TMEM258: variants seen among roughly 807,000 people sequenced by gnomAD.
The protein encoded by TMEM258 is dolichyl-diphosphooligosaccharide--protein glycosyltransferase subunit TMEM258.
A neutral mutation model predicts 9.9 loss-of-function variants in TMEM258; 11 were observed. That is an observed-to-expected ratio of 1.11 (90% CI 0.70 to 1.85). TMEM258 has a LOEUF of 1.85. Ranked by LOEUF, TMEM258 falls within the 40% of genes most tolerant of loss-of-function variation. TMEM258 has a pLI of 0.00. For synonymous variants in TMEM258, 40 were observed against 39.1 expected (o/e 1.02, Z -0.09); for missense variants, 81 against 99.7 (o/e 0.81, Z 0.80).
Position 61,792,406 on chromosome 11 carries a change from C to G in TMEM258, c.3+150G>C, listed in dbSNP as rs2066791362. On this transcript the variant is annotated intron_variant, in intron 1 of 3. Coordinates refer to ENST00000537328, the MANE Select transcript of TMEM258 (RefSeq NM_014206.4). The stretch of plus-strand genomic sequence containing the variant: ...AACCTAAGGAGTTCATGGCAAGGGG[C>G]TTCCCCCTTCCCCACCCTTCAGCCC... 9 of 1,129,260 alleles carry G rather than the reference C, an allele frequency of 8.0e-6. No individual in the cohort carries two copies. The East Asian group carries it at 2.2e-4, about 27-fold the overall frequency. The allele number at this position is 1,129,260 out of a possible 1,614,324, so 70.0% of individuals were successfully genotyped here.
intron 3 of TMEM258, 40 bp downstream of exon 3, chr11:61,789,745 G>A: frequency 1.3e-6 from 2 of 1,576,278 alleles, no homozygotes; most frequent in Non-Finnish European, 1.7e-6. Context: ...CCTGGGCTGT[G>A]CCTTGGAGGC....
rs774953974 is a variant in TMEM258 at position 61,792,599 on chromosome 11, G to A, written c.-41C>T. 5.6e-6 allele frequency: 9 copies of A among 1,613,088 alleles called. No individual in the cohort carries two copies. The highest frequency in any genetic ancestry group is 5.3e-5 in the African/African-American group (4 of 74,956). ...CTAATCCGCCGCTCCGCCACCGGAA[G>A]AACACGTCGGCAGGAGCAGGCGCCT... On this transcript the variant is annotated 5_prime_UTR_variant, in exon 1 of 4. Coordinates refer to ENST00000537328, the MANE Select transcript of TMEM258 (RefSeq NM_014206.4).
chr11:61,789,603 G>A (rs961938099), intron 3 of TMEM258, 182 bp downstream of exon 3: 26 of 683,250 alleles, frequency 3.8e-5, no homozygotes, highest in South Asian at 8.7e-5. Context: ...GCTCAAATCC[G>A]TATGAGGGGC....
intron 1 of TMEM258, 52 bp downstream of exon 1, chr11:61,792,504 G>A: frequency 3.7e-6 from 6 of 1,613,498 alleles, no homozygotes; most frequent in Non-Finnish European, 5.1e-6. Flanking sequence ...GTGTGGGTCA[G>A]ACCCCGAGGG....
At chr11:61,792,256 G>A (rs2066789999) in intron 1 of TMEM258, 1 of 467,152 alleles carries the variant, frequency 2.1e-6, no homozygotes, top group Non-Finnish European at 3.9e-6. Context: ...TTGTAGGATG[G>A]GCACGGGTTC....
At chr11:61,789,978 A>C in intron 2 of TMEM258, 57 bp from the exon 3 acceptor site, 1 of 1,566,818 alleles carries the variant, frequency 6.4e-7, no homozygotes, top group Non-Finnish European at 8.6e-7. Flanking sequence ...CAGAGAGCCC[A>C]GCCCACGGCA....
At chr11:61,792,524 T>G (rs1183058895) in intron 1 of TMEM258, 32 bp downstream of exon 1, 1 of 1,613,760 alleles carries the variant, frequency 6.2e-7, no homozygotes, top group Non-Finnish European at 8.5e-7. Flanking sequence ...GGTCCTCGCA[T>G]CTCCGTCTGG....
chr11:61,789,960 G>A, intron 2 of TMEM258, 39 bp from the exon 3 acceptor site: 3 of 1,598,020 alleles, frequency 1.9e-6, no homozygotes, highest in Non-Finnish European at 2.6e-6. Flanking sequence ...GGGGTGGACT[G>A]TGGAGTGCAG....
chr11:61,790,236 C>A, intron 2 of TMEM258: 1 of 578,828 alleles, frequency 1.7e-6, no homozygotes. Context: ...ACTGTAGCAC[C>A]CCTATTCCCC....
At chr11:61,790,128 C>A (rs2066771868) in intron 2 of TMEM258, 3 of 635,698 alleles carry the variant, frequency 4.7e-6, no homozygotes, top group Middle Eastern at 8.6e-4. Flanking sequence ...GGAGTTAGGT[C>A]ACTTGCCCCA....
At chr11:61,790,943 T>TC (rs2066779610) in intron 1 of TMEM258, among the ~76,000 whole-genome samples, 2 of 146,624 alleles carry the variant, frequency 1.4e-5, no homozygotes, top group Admixed American at 1.3e-4. Flanking sequence ...TCTCAATATC[T>TC]TTTTTTTTTG....
chr11:61,790,879 A>AT (rs2066779040), intron 1 of TMEM258, among the ~76,000 whole-genome samples: 1 of 152,200 alleles, frequency 6.6e-6, no homozygotes, highest in Admixed American at 6.5e-5. Flanking sequence ...ACCAGTGTCT[A>AT]TAGACACCAA....
chr11:61,790,133 GC>G, intron 2 of TMEM258: 2 of 622,456 alleles, frequency 3.2e-6, no homozygotes, highest in Non-Finnish European at 5.4e-6. Flanking sequence ...TAGGTCACTT[GC>G]CCCAGGTCAC....
chr11:61,790,478 T>A lies in TMEM258; in HGVS notation c.113+15A>T, dbSNP rs768445195. ...TCACTAATGCTGGTCCTCTGGCTGCTCAGTGAAAGGATACACGAAGAACCA... is the reference window on the plus strand; with the variant it reads ...TCACTAATGCTGGTCCTCTGGCTGCACAGTGAAAGGATACACGAAGAACCA... On this transcript the variant is annotated intron_variant, in intron 2 of 3. Transcript: ENST00000537328. The A allele has an allele frequency of 6.2e-7, 1 of 1,610,858 alleles. No homozygotes were observed. Among genetic ancestry groups the A allele is most frequent in the Non-Finnish European group, 8.5e-7 (1 of 1,177,878 alleles).
chr11:61,792,541 CCTCAACGCT>C lies in TMEM258; in HGVS notation c.3+6_3+14del, dbSNP rs1162308514. The stretch of plus-strand genomic sequence containing the variant: ...TCCTCGCATCTCCGTCTGGAACTCC[CCTCAACGCT>C]CTCACCATTTTGCCCCGCGAAGGCT... On this transcript the variant is annotated splice_donor_region_variant and intron_variant, in intron 1 of 3. Coordinates refer to ENST00000537328, the MANE Select transcript of TMEM258 (RefSeq NM_014206.4). The C allele has an allele frequency of 1.8e-5, 29 of 1,613,890 alleles. No homozygotes were observed. The highest frequency in any genetic ancestry group is 2.5e-5 in the Non-Finnish European group (29 of 1,180,016).
intron 2 of TMEM258, 51 bp from the exon 3 acceptor site, chr11:61,789,972 G>C (rs773401063): frequency 5.0e-6 from 8 of 1,586,374 alleles, no homozygotes; most frequent in South Asian, 1.2e-5. Flanking sequence ...GGAGTGCAGA[G>C]AGCCCAGCCC....
intron 1 of TMEM258, chr11:61,792,199 T>G (rs2066789543): frequency 1.5e-5 from 5 of 332,334 alleles, no homozygotes; most frequent in Non-Finnish European, 2.9e-5. Flanking sequence ...TCTGGCCAAG[T>G]GCCTGAGAGT....
intron 1 of TMEM258, chr11:61,791,765 A>C (rs914949638): frequency 6.6e-6 from 1 of 152,158 alleles, no homozygotes; most frequent in Non-Finnish European, 1.5e-5. Context: ...CTCAACAGGT[A>C]TTTGCTTCCT....
chr11:61,791,192 G>C (rs1354578892), intron 1 of TMEM258, among the ~76,000 whole-genome samples: 1 of 152,080 alleles, frequency 6.6e-6, no homozygotes, highest in African/African-American at 2.4e-5. Context: ...CTGACCTCAG[G>C]TGATCTGCCT....
Sources: gnomAD v4.1 joint callset for allele counts (sites outside exome capture counted in the v4.1 genomes callset) on GRCh38, gnomAD v4.1.1 for gene constraint, MANE v1.5 for transcripts, NCBI Gene and HGNC (gene_info 2026-07-23, HGNC 2026-07-21) for gene names.